ZNF224: variants seen among roughly 807,000 people sequenced by gnomAD.
ZNF224 encodes bone marrow zinc finger 2.
In ZNF224, 8 loss-of-function variants were observed where a neutral mutation model predicts 10.5. The ratio of observed to expected loss-of-function variants is 0.76; its 90% confidence interval spans 0.45 to 1.37. The LOEUF is 1.37. Among genes scored for constraint, ZNF224 ranks in the 40% most tolerant of loss-of-function variants. ZNF224 has a pLI of 0.00. For missense variants in ZNF224, 754 were observed against 854.0 expected, an observed-to-expected ratio of 0.88 and a Z score of 1.46; for synonymous variants, 282 against 287.8, an observed-to-expected ratio of 0.98 and a Z score of 0.20.
At position 44,106,749 on chromosome 19, in the gene ZNF224, G is replaced by T. The variant is rs760594450; in HGVS notation, c.589G>T (p.Val197Phe). 1.2e-6 allele frequency: 2 copies of T among 1,612,446 alleles called. No individual in the cohort carries two copies. Among genetic ancestry groups the T allele is most frequent in the Admixed American group, 1.7e-5 (1 of 59,964 alleles). ...YISALRIHQR[V>F]HMGEKCYKCD... Reference sequence around the variant, plus strand: ...CTCAGCCCTTCGTATTCATCAGAGAGTCCACATGGGAGAGAAATGCTATAA... The same window carrying T: ...CTCAGCCCTTCGTATTCATCAGAGATTCCACATGGGAGAGAAATGCTATAA... Residue 197 changes from valine to phenylalanine, a missense_variant, in exon 6 of 6, where the codon GTC becomes TTC. Physicochemically the swap from Val to Phe is conservative, Grantham distance 50. Transcript: ENST00000693561.
chr19:44,095,916 C>T (rs1350801560), intron 1 of ZNF224: 11 of 109,324 alleles, frequency 1.0e-4, no homozygotes, highest in Non-Finnish European at 1.9e-4. Flanking sequence ...GTGCGAGACT[C>T]CGTCTCAAAA....
chr19:44,107,481 T>C lies in ZNF224; in HGVS notation c.1321T>C (p.Leu441=), dbSNP rs1347106638. ...GTGTGGGAAGGGCTACAAAAGGAGG[T>C]TGGATCTTGACTTTCACCAGCGCGT... The part of the protein sequence containing the change: ...VECGKGYKRR[L]DLDFHQRVHT... Residue 441 remains leucine (L), a synonymous_variant, in exon 6 of 6, where the codon TTG becomes CTG. Coordinates refer to ENST00000693561, the MANE Select transcript of ZNF224 (RefSeq NM_001321645.3). 6 of 1,602,974 alleles carry C rather than the reference T, an allele frequency of 3.7e-6. No homozygotes were observed. Among genetic ancestry groups the C allele is most frequent in the Non-Finnish European group, 8.5e-7 (1 of 1,175,544 alleles).
At chr19:44,103,669 A>G (rs989962658) in intron 5 of ZNF224, among the ~76,000 whole-genome samples, 3 of 151,988 alleles carry the variant, frequency 2.0e-5, no homozygotes, top group Non-Finnish European at 4.4e-5. Flanking sequence ...TCTATATCAT[A>G]TATTTTCTGC....
chr19:44,106,993 A>G lies in ZNF224; in HGVS notation c.833A>G (p.His278Arg), dbSNP rs1967684707. Residue 278 changes from histidine (H) to arginine (R), a missense_variant, in exon 6 of 6, where the codon CAT becomes CGT. Coordinates refer to ENST00000693561, the MANE Select transcript of ZNF224 (RefSeq NM_001321645.3). ...AFIHDSQLQE[H>R]QRIHTGEKPF... is the part of the protein sequence containing the mutation. ...ATTCACGATTCCCAGCTTCAAGAAC[A>G]TCAGAGAATCCATACGGGGGAGAAG... 6.2e-7 allele frequency: 1 copy of G among 1,610,754 alleles called. No homozygotes were observed. The highest frequency in any genetic ancestry group is 1.7e-5 in the Admixed American group (1 of 59,902).
chr19:44,108,130 G>A lies in ZNF224; in HGVS notation c.1970G>A (p.Cys657Tyr), dbSNP rs748997415. Residue 657 changes from cysteine to tyrosine, a missense_variant, in exon 6 of 6, where the codon TGT (cysteine) becomes TAT (tyrosine). Coordinates refer to ENST00000693561, the MANE Select transcript of ZNF224 (RefSeq NM_001321645.3). ...SVEKPYKCEDCGKGYNRRLNL... is the reference protein window; with the variant it reads ...SVEKPYKCEDYGKGYNRRLNL... ...GAAAAGCCATACAAATGTGAGGACTGTGGGAAGGGCTACAACAGGCGCTTG... is the reference window on the plus strand; with the variant it reads ...GAAAAGCCATACAAATGTGAGGACTATGGGAAGGGCTACAACAGGCGCTTG... 1 of 1,614,244 alleles carries A rather than the reference G, an allele frequency of 6.2e-7. No homozygotes were observed. The highest frequency in any genetic ancestry group is 8.5e-7 in the Non-Finnish European group (1 of 1,180,050).
At chr19:44,103,619 T>C (rs1967589747) in intron 5 of ZNF224, among the ~76,000 whole-genome samples, 2 of 152,228 alleles carry the variant, frequency 1.3e-5, no homozygotes, top group South Asian at 4.1e-4. Flanking sequence ...ACTTTTTGTC[T>C]ATATTCTTCC....
In ZNF224 at chr19:44,109,771, ATG is replaced by A. The variant is rs1486809358; in HGVS notation, c.*1490_*1491del. On this transcript the variant is annotated 3_prime_UTR_variant, in exon 6 of 6. Coordinates refer to ENST00000693561, the MANE Select transcript of ZNF224 (RefSeq NM_001321645.3). ...ACACAATAACAAAAGGAGAAAAACA[ATG>A]TGGCTTTTTTTAGCCTTCATAACCT... is the stretch of plus-strand genomic sequence containing the variant. The A allele has an allele frequency of 6.6e-6, 1 of 152,218 alleles. No individual in the cohort carries two copies. Among genetic ancestry groups the A allele is most frequent in the African/African-American group, 2.4e-5 (1 of 41,462 alleles). The allele number at this position is 152,218 out of a possible 1,614,324, so 9.4% of individuals were successfully genotyped here. A position where few individuals can be genotyped will look rare whatever the true frequency, so the allele number is the denominator to read the frequency against.
At chr19:44,103,197 A>G (rs1007091605) in intron 5 of ZNF224, among the ~76,000 whole-genome samples, 24 of 152,192 alleles carry the variant, frequency 1.6e-4, no homozygotes, top group African/African-American at 5.8e-4. Flanking sequence ...GCCCTCTCAA[A>G]ATACTGACAT....
Position 44,107,101 on chromosome 19 carries a change from A to G in ZNF224, c.941A>G (p.Lys314Arg), listed in dbSNP as rs1967688866. 1 of 1,603,272 alleles carries G rather than the reference A, an allele frequency of 6.2e-7. No individual in the cohort carries two copies. Among genetic ancestry groups the G allele is most frequent in the East Asian group, 2.2e-5 (1 of 44,868 alleles). Residue 314 changes from lysine (K) to arginine (R), a missense_variant, in exon 6 of 6, where the codon AAA (lysine) becomes AGA (arginine). Physicochemically the swap from Lys to Arg is conservative, Grantham distance 26. Transcript: ENST00000693561. Reference protein sequence around the residue: ...NRHSMVHTAEKPFRCDTCDKS... With the variant: ...NRHSMVHTAERPFRCDTCDKS... The stretch of plus-strand genomic sequence containing the variant: ...CATTCCATGGTTCACACGGCAGAGA[A>G]ACCATTCCGATGTGATACGTGTGAT...
chr19:44,107,456 G>C lies in ZNF224; in HGVS notation c.1296G>C (p.Glu432Asp), dbSNP rs1013248543. ...GAGAAAAACCATACAAATGTGTGGA[G>C]TGTGGGAAGGGCTACAAAAGGAGGT... ...HSGEKPYKCVECGKGYKRRLD... is the reference protein window; with the variant it reads ...HSGEKPYKCVDCGKGYKRRLD... The change falls in exon 6 of 6, where the codon GAG becomes GAC. Residue 432 changes from glutamate (E) to aspartate (D), a missense_variant. Physicochemically the swap from Glu to Asp is conservative, Grantham distance 45. Transcript: ENST00000693561. The C allele has an allele frequency of 6.2e-7, 1 of 1,607,618 alleles. No individual in the cohort carries two copies. Among genetic ancestry groups the C allele is most frequent in the Non-Finnish European group, 8.5e-7 (1 of 1,177,280 alleles).
rs761136903 is a variant in ZNF224 at position 44,097,856 on chromosome 19, C to T, written c.-18C>T. ...GCATCACTCAGGACTCTGCAAGTTT[C>T]CAGAAGTAAGAGGGAAAATGACCAC... On this transcript the variant is annotated 5_prime_UTR_variant, in exon 3 of 6. Transcript: ENST00000693561. 1 of 1,613,804 alleles carries T rather than the reference C, an allele frequency of 6.2e-7. No individual in the cohort carries two copies. The highest frequency in any genetic ancestry group is 1.1e-5 in the South Asian group (1 of 91,012).
chr19:44,103,811 C>T (rs1458970298), intron 5 of ZNF224, among the ~76,000 whole-genome samples: 2 of 152,140 alleles, frequency 1.3e-5, no homozygotes, highest in African/African-American at 4.8e-5. Flanking sequence ...ATACCTCGGC[C>T]TCCCACGTAG....
intron 5 of ZNF224, among the ~76,000 whole-genome samples, chr19:44,102,189 C>T (rs1599662489): frequency 1.3e-5 from 2 of 152,202 alleles, no homozygotes; most frequent in South Asian, 4.1e-4. Flanking sequence ...TCTGTCACCT[C>T]AAAACCTTCT....
At chr19:44,103,095 G>T (rs1021234983) in intron 5 of ZNF224, among the ~76,000 whole-genome samples, 4 of 152,128 alleles carry the variant, frequency 2.6e-5, no homozygotes, top group African/African-American at 9.7e-5. Flanking sequence ...AAACATAAAA[G>T]AATACAGATT....
chr19:44,097,809 C>T lies in ZNF224; in HGVS notation c.-65C>T. The T allele has an allele frequency of 5.0e-6, 8 of 1,592,186 alleles. No individual in the cohort carries two copies. Among genetic ancestry groups the T allele is most frequent in the Non-Finnish European group, 6.9e-6 (8 of 1,166,838 alleles). ...TGCCTTTCCTGGCACTTTGCAGGCA[C>T]AATTCTGCTTTCCCAGGAACTGCAT... On this transcript the variant is annotated 5_prime_UTR_variant, in exon 3 of 6. Transcript: ENST00000693561.
Position 44,107,591 on chromosome 19 carries a change from C to T in ZNF224, c.1431C>T (p.Leu477=), listed in dbSNP as rs752413030. The T allele has an allele frequency of 5.0e-6, 8 of 1,612,610 alleles. No individual in the cohort carries two copies. Among genetic ancestry groups the T allele is most frequent in the Admixed American group, 3.3e-5 (2 of 59,874 alleles). The change falls in exon 6 of 6, where the codon CTC becomes CTT. Residue 477 remains leucine, a synonymous_variant. Coordinates refer to ENST00000693561, the MANE Select transcript of ZNF224 (RefSeq NM_001321645.3). ...CATGTCTTTTGAAACATGAGAGACT[C>T]CACAGTGGAGAAAAACCATTCCAAT... ...RAPCLLKHER[L]HSGEKPFQCE...
At chr19:44,097,769 T>C (rs1967468680) in intron 2 of ZNF224, 37 bp from the exon 3 acceptor site, 1 of 1,361,894 alleles carries the variant, frequency 7.3e-7, no homozygotes, top group Non-Finnish European at 1.0e-6. Context: ...GGCCACCTTT[T>C]CATGTCTCTT....
rs751007820 is a variant in ZNF224, at chr19:44,101,193, T to G, written c.203T>G (p.Met68Arg). The G allele has an allele frequency of 5.0e-6, 8 of 1,614,066 alleles. No homozygotes were observed. In the Admixed American group the frequency reaches 5.0e-5, roughly 10 times the overall value. Residue 68 changes from methionine (M) to arginine (R), a missense_variant, in exon 5 of 6, where the codon ATG becomes AGG. Coordinates refer to ENST00000693561, the MANE Select transcript of ZNF224 (RefSeq NM_001321645.3). ...CTAAGGGAAGAAAAGATTTGGATGATGAAGACAGCAATCCAAAGGGAAGGG... is the reference window on the plus strand; with the variant it reads ...CTAAGGGAAGAAAAGATTTGGATGAGGAAGACAGCAATCCAAAGGGAAGGG... ...HFLREEKIWMMKTAIQREGNS... is the reference protein window; with the variant it reads ...HFLREEKIWMRKTAIQREGNS...
intron 5 of ZNF224, among the ~76,000 whole-genome samples, chr19:44,101,719 G>A (rs1187810751): frequency 2.0e-5 from 3 of 152,170 alleles, no homozygotes; most frequent in African/African-American, 7.2e-5. Context: ...GTGTTCTTTA[G>A]GGATGAAGTC....
Sources: allele counts gnomAD v4.1 joint callset (sites outside exome capture counted in the v4.1 genomes callset), GRCh38; gene constraint gnomAD v4.1.1; transcripts MANE v1.5; gene names NCBI Gene and HGNC (gene_info 2026-07-23, HGNC 2026-07-21).